Variants in SLC18A1 observed in about 807,000 individuals in gnomAD.
The protein encoded by SLC18A1 is solute carrier family 18 member A1, also known as chromaffin granule amine transporter.
Under a neutral mutation model 53.7 loss-of-function variants are expected in SLC18A1, and 69 were observed. That is an observed-to-expected ratio of 1.28 (90% CI 1.06 to 1.57). The LOEUF is 1.57. Among genes scored for constraint, SLC18A1 ranks in the 40% most tolerant of loss-of-function variants. The pLI, the probability that SLC18A1 is intolerant of heterozygous loss-of-function variation, is 0.00. For missense variants in SLC18A1, 932 were observed against 668.1 expected (o/e 1.40, Z -4.35); for synonymous variants, 320 against 248.1 (o/e 1.29, Z -2.72).
At chr8:20,158,843 C>T (rs1221460688) in intron 10 of SLC18A1, among the ~76,000 whole-genome samples, 1 of 152,114 alleles carries the variant, frequency 6.6e-6, no homozygotes, top group Non-Finnish European at 1.5e-5. Context: ...TTTTCTACAT[C>T]CCTGTACATC....
chr8:20,148,541 G>A (rs1467671193), intron 12 of SLC18A1: 4 of 1,151,012 alleles, frequency 3.5e-6, no homozygotes, highest in African/African-American at 3.2e-5. Context: ...AGATAGAGAA[G>A]AGGCCCCAAC....
In SLC18A1 at chr8:20,145,682, G is replaced by A; in HGVS notation, c.*81C>T. On this transcript the variant is annotated 3_prime_UTR_variant, in exon 16 of 16. Coordinates refer to ENST00000276373, the MANE Select transcript of SLC18A1 (RefSeq NM_003053.4). ...AGAGGTATGTGAAGCCCACTGAGCCGTGGGCTCAGCCATGGTGATCTGGTC... is the reference window on the plus strand; with the variant it reads ...AGAGGTATGTGAAGCCCACTGAGCCATGGGCTCAGCCATGGTGATCTGGTC... The A allele has an allele frequency of 4.8e-6, 4 of 828,550 alleles. No homozygotes were observed. The highest frequency in any genetic ancestry group is 5.8e-6 in the Non-Finnish European group (3 of 515,114). The allele number at this position is 828,550 out of a possible 1,614,324, so 51.3% of individuals were successfully genotyped here.
At chr8:20,148,210 T>G in intron 12 of SLC18A1, 140 bp from the exon 13 acceptor site, 1 of 741,574 alleles carries the variant, frequency 1.3e-6, no homozygotes, top group South Asian at 1.8e-5. Flanking sequence ...TCTCAGACTT[T>G]CTCATGGAAA....
At chr8:20,177,878 C>T (rs546624820) in intron 4 of SLC18A1, among the ~76,000 whole-genome samples, 1 of 152,112 alleles carries the variant, frequency 6.6e-6, no homozygotes. Context: ...AAACATTTAG[C>T]TGATCCTGGA....
intron 2 of SLC18A1, among the ~76,000 whole-genome samples, chr8:20,180,516 C>T (rs2072397575): frequency 6.6e-6 from 1 of 152,032 alleles, no homozygotes; most frequent in South Asian, 2.1e-4. Flanking sequence ...GCCTCAGAGG[C>T]ACTTGGAGTC....
intron 10 of SLC18A1, among the ~76,000 whole-genome samples, chr8:20,164,017 C>T (rs1461332305): frequency 6.6e-6 from 1 of 152,278 alleles, no homozygotes; most frequent in South Asian, 2.1e-4. Flanking sequence ...ACTTGCAACC[C>T]ATAAAAATTC....
At chr8:20,170,456 A>T (rs1445105626) in intron 8 of SLC18A1, among the ~76,000 whole-genome samples, 1 of 152,180 alleles carries the variant, frequency 6.6e-6, no homozygotes, top group Non-Finnish European at 1.5e-5. Flanking sequence ...CAAGCTGTGG[A>T]ATGCAAAGTC....
intron 10 of SLC18A1, among the ~76,000 whole-genome samples, chr8:20,160,384 C>G (rs2071795667): frequency 6.6e-6 from 1 of 150,466 alleles, no homozygotes; most frequent in Non-Finnish European, 1.5e-5. Flanking sequence ...TCTTTAGGAC[C>G]TGATTATAGC....
chr8:20,182,100 G>C (rs1428427329), intron 1 of SLC18A1: 1 of 152,160 alleles, frequency 6.6e-6, no homozygotes, highest in Admixed American at 6.5e-5. Flanking sequence ...GGCTTCTGTT[G>C]TGGTATCAAC....
At chr8:20,165,213 G>T in intron 8 of SLC18A1, 106 bp from the exon 9 acceptor site, 2 of 994,374 alleles carry the variant, frequency 2.0e-6, no homozygotes, top group Non-Finnish European at 3.1e-6. Context: ...ACCATCTACA[G>T]TATCTCCTTT....
In SLC18A1 at chr8:20,178,444, A is replaced by T. The variant is rs138962478; in HGVS notation, c.538T>A (p.Ser180Thr). The T allele has an allele frequency of 1.2e-5, 19 of 1,611,178 alleles. No homozygotes were observed. The Admixed American group carries it at 1.3e-4, about 11-fold the overall frequency. Residue 180 changes from serine (S) to threonine (T), a missense_variant, in exon 4 of 16, where the codon TCC becomes ACC. Ser to Thr is a moderately conservative substitution (Grantham distance 58). Transcript: ENST00000276373. ...MFAGFVIMFLSTVMFAFSGTY... is the reference protein window; with the variant it reads ...MFAGFVIMFLTTVMFAFSGTY... ...GAAGCAAATTACTTACTAACTGTGG[A>T]GAGAAACATGATAACAAAGCCAGCA...
At chr8:20,154,775 T>C (rs1055539648) in intron 10 of SLC18A1, among the ~76,000 whole-genome samples, 11 of 152,170 alleles carry the variant, frequency 7.2e-5, no homozygotes, top group African/African-American at 2.7e-4. Context: ...CTATTAGATC[T>C]TGCAACTGTA....
chr8:20,158,012 G>A (rs916979234), intron 10 of SLC18A1, among the ~76,000 whole-genome samples: 2 of 152,162 alleles, frequency 1.3e-5, no homozygotes, highest in Non-Finnish European at 2.9e-5. Context: ...TCACTGGAAG[G>A]CCCACTGTCC....
intron 8 of SLC18A1, among the ~76,000 whole-genome samples, chr8:20,167,017 C>T (rs1039478890): frequency 5.9e-5 from 9 of 151,648 alleles, no homozygotes; most frequent in African/African-American, 1.5e-4. Context: ...CCTCCAGAGT[C>T]GTGAGAAAAT....
At chr8:20,167,165 T>C (rs1294814550) in intron 8 of SLC18A1, among the ~76,000 whole-genome samples, 2 of 146,972 alleles carry the variant, frequency 1.4e-5, no homozygotes, top group Non-Finnish European at 3.0e-5. Flanking sequence ...TGGATGCAAA[T>C]GAATTTCAAA....
chr8:20,162,053 C>G (rs76789864), intron 10 of SLC18A1, among the ~76,000 whole-genome samples: 4,956 of 152,274 alleles, frequency 0.033, 290 homozygotes, highest in African/African-American at 0.11. Flanking sequence ...CAAGGCTTAC[C>G]ACTTGCACCC....
chr8:20,148,520 T>C (rs1563720009), intron 12 of SLC18A1: 2 of 1,273,226 alleles, frequency 1.6e-6, no homozygotes, highest in African/African-American at 1.5e-5. Flanking sequence ...TTGGTAGCTG[T>C]TGGAAAAAGA....
chr8:20,177,504 G>C (rs2072280303), intron 4 of SLC18A1, among the ~76,000 whole-genome samples: 2 of 152,176 alleles, frequency 1.3e-5, no homozygotes. Flanking sequence ...TCGGGGGAGA[G>C]GGGAGGGATA....
intron 8 of SLC18A1, among the ~76,000 whole-genome samples, chr8:20,170,366 G>A (rs1041499495): frequency 5.9e-5 from 9 of 152,138 alleles, no homozygotes; most frequent in Admixed American, 1.3e-4. Flanking sequence ...CATAGATGGC[G>A]CACTAAGCTG....
Sources: allele counts gnomAD v4.1 joint callset (sites outside exome capture counted in the v4.1 genomes callset), GRCh38; gene constraint gnomAD v4.1.1; transcripts MANE v1.5; gene names NCBI Gene and HGNC (gene_info 2026-07-23, HGNC 2026-07-21).